EGFR: variants seen among roughly 807,000 people sequenced by gnomAD.
The protein encoded by EGFR is avian erythroblastic leukemia viral (v-erb-b) oncogene homolog.
Under a neutral mutation model 143.0 loss-of-function variants are expected in EGFR, and 58 were observed. The observed-to-expected ratio is 0.41, with a 90% CI of 0.33 to 0.50. The LOEUF is 0.50. Among genes scored for constraint, EGFR ranks in the 20% least tolerant of loss-of-function variants. EGFR has a pLI of 0.39. For synonymous variants in EGFR, 613 were observed against 594.4 expected (o/e 1.03, Z -0.45); for missense variants, 1,307 against 1,579.0 (o/e 0.83, Z 2.92).
intron 1 of EGFR, among the ~76,000 whole-genome samples, chr7:55,128,631 T>G (rs1017817322): frequency 6.6e-6 from 1 of 152,234 alleles, no homozygotes; most frequent in African/African-American, 2.4e-5. Context: ...ATGATATCTT[T>G]TCTTGTCTAG....
At chr7:55,037,410 T>C (rs1322831864) in intron 1 of EGFR, among the ~76,000 whole-genome samples, 1 of 152,180 alleles carries the variant, frequency 6.6e-6, no homozygotes. Context: ...ATTTAAGAGC[T>C]GGAAAGGTGG....
At chr7:55,066,805 T>G (rs544871374) in intron 1 of EGFR, among the ~76,000 whole-genome samples, 1 of 152,232 alleles carries the variant, frequency 6.6e-6, no homozygotes, top group African/African-American at 2.4e-5. Context: ...TCCTCTGAGA[T>G]AGACGGGAAC....
chr7:55,109,649 A>T, intron 1 of EGFR: 1 of 754,668 alleles, frequency 1.3e-6, no homozygotes, highest in Non-Finnish European at 1.6e-6. Context: ...AGAGAGGCTT[A>T]ATTCCAAATT....
chr7:55,162,378 T>C (rs1436959763), intron 13 of EGFR, among the ~76,000 whole-genome samples: 1 of 152,258 alleles, frequency 6.6e-6, no homozygotes, highest in African/African-American at 2.4e-5. Context: ...TCTCTGGGCA[T>C]GGACCACAGC....
intron 1 of EGFR, among the ~76,000 whole-genome samples, chr7:55,124,748 C>T (rs531658084): frequency 1.3e-5 from 2 of 152,336 alleles, no homozygotes; most frequent in African/African-American, 2.4e-5. Context: ...CCCCACATGC[C>T]TTGCTCCACA....
chr7:55,165,528 C>T (rs1785934337), intron 15 of EGFR, 91 bp downstream of exon 15: 7 of 1,507,938 alleles, frequency 4.6e-6, no homozygotes, highest in Admixed American at 4.2e-5. Context: ...AACAAATTGC[C>T]GAGGTTTGTA....
rs371340095 is a variant in EGFR at position 55,150,693 on chromosome 7, A to C, written c.560-601A>C. ...ATGACAGGAAAACCTTTGCAGCTAT[A>C]ATTTGTAATCGGCCAATTATAAAAA... is the stretch of plus-strand genomic sequence containing the variant. On this transcript the variant is annotated intron_variant, in intron 4 of 27. Coordinates refer to ENST00000275493, the MANE Select transcript of EGFR (RefSeq NM_005228.5). Among the ~76,000 whole-genome samples, 8 of 152,340 alleles carry C rather than the reference A, an allele frequency of 5.3e-5. No individual in the cohort carries two copies. In the South Asian group the frequency reaches 1.7e-3, roughly 32 times the overall value.
At position 55,209,703 on chromosome 7, in the gene EGFR, A is replaced by C. The variant is rs1332592760; in HGVS notation, c.*4086A>C. On this transcript the variant is annotated 3_prime_UTR_variant, in exon 28 of 28. Coordinates refer to ENST00000275493, the MANE Select transcript of EGFR (RefSeq NM_005228.5). ...TGCCATACCAGGGGTACAGCTTTGTACTATTGAAGACACAGACAGGATTTT... is the reference window on the plus strand; with the variant it reads ...TGCCATACCAGGGGTACAGCTTTGTCCTATTGAAGACACAGACAGGATTTT... 6.6e-6 allele frequency: 1 copy of C among 152,250 alleles called. No individual in the cohort carries two copies. Among genetic ancestry groups the C allele is most frequent in the Admixed American group, 6.5e-5 (1 of 15,280 alleles). 9.4% of individuals were successfully genotyped at this position (152,250 alleles called of 1,614,324 possible).
chr7:55,123,446 T>C (rs1793330048), intron 1 of EGFR, among the ~76,000 whole-genome samples: 1 of 152,182 alleles, frequency 6.6e-6, no homozygotes, highest in Non-Finnish European at 1.5e-5. Context: ...CTCTTTCAGA[T>C]TATATATCCC....
intron 27 of EGFR, among the ~76,000 whole-genome samples, chr7:55,203,485 TACAC>T (rs947409276): frequency 7.7e-6 from 1 of 130,108 alleles, no homozygotes; most frequent in East Asian, 2.4e-4. Flanking sequence ...CACACATACA[TACAC>T]ACAGACACAT....
Position 55,150,503 on chromosome 7 carries a change from G to T in EGFR, c.560-791G>T, listed in dbSNP as rs189640192. 2.0e-5 allele frequency among the ~76,000 whole-genome samples: 3 copies of T among 152,268 alleles called. No individual in the cohort carries two copies. In the East Asian group the frequency reaches 5.8e-4, roughly 29 times the overall value. On this transcript the variant is annotated intron_variant, in intron 4 of 27. Transcript: ENST00000275493. ...ATCTAAATTCTTCCTGACTGCAGGG[G>T]ACCTCGGGACCCATGAACACCTCTA...
intron 1 of EGFR, among the ~76,000 whole-genome samples, chr7:55,122,998 C>G (rs1793300956): frequency 6.6e-6 from 1 of 152,216 alleles, no homozygotes; most frequent in African/African-American, 2.4e-5. Context: ...ACCTTCAATG[C>G]AAAGATCTCA....
At chr7:55,026,909 T>G (rs1786926148) in intron 1 of EGFR, among the ~76,000 whole-genome samples, 1 of 151,616 alleles carries the variant, frequency 6.6e-6, no homozygotes, top group African/African-American at 2.4e-5. Context: ...TGCAGTGGCT[T>G]TCAGCGGGCC....
At chr7:55,194,064 C>G (rs1486789903) in intron 22 of EGFR, among the ~76,000 whole-genome samples, 2 of 152,104 alleles carry the variant, frequency 1.3e-5, no homozygotes, top group Non-Finnish European at 2.9e-5. Context: ...TGTATCTCCT[C>G]TCCACGAGGG....
intron 1 of EGFR, among the ~76,000 whole-genome samples, chr7:55,082,742 T>C (rs1230103683): frequency 6.6e-6 from 1 of 152,240 alleles, no homozygotes; most frequent in African/African-American, 2.4e-5. Context: ...TCCCCAGGGC[T>C]GCTCTAACAG....
chr7:55,081,013 CT>C (rs1790436284), intron 1 of EGFR, among the ~76,000 whole-genome samples: 1 of 152,094 alleles, frequency 6.6e-6, no homozygotes, highest in Admixed American at 6.5e-5. Context: ...TAGAAATGCC[CT>C]GCAAAAGGTG....
chr7:55,098,132 A>G (rs1158256483), intron 1 of EGFR, among the ~76,000 whole-genome samples: 1 of 152,252 alleles, frequency 6.6e-6, no homozygotes, highest in African/African-American at 2.4e-5. Context: ...GGAGAAAATA[A>G]TCTTTATCCT....
At chr7:55,064,703 T>G (rs929059347) in intron 1 of EGFR, among the ~76,000 whole-genome samples, 4 of 152,220 alleles carry the variant, frequency 2.6e-5, no homozygotes, top group Non-Finnish European at 5.9e-5. Context: ...GTGAAACCAT[T>G]ATATAACAAG....
chr7:55,082,676 G>C (rs1222572567), intron 1 of EGFR, among the ~76,000 whole-genome samples: 3 of 152,214 alleles, frequency 2.0e-5, no homozygotes, highest in Non-Finnish European at 4.4e-5. Flanking sequence ...CCGGGCAGCA[G>C]CCTCATCTGA....
Sources: allele counts gnomAD v4.1 joint callset (sites outside exome capture counted in the v4.1 genomes callset), GRCh38; gene constraint gnomAD v4.1.1; transcripts MANE v1.5; gene names NCBI Gene and HGNC (gene_info 2026-07-23, HGNC 2026-07-21).